SDK1: variants seen among roughly 807,000 people sequenced by gnomAD.
SDK1 encodes the protein protein sidekick-1.
SDK1 carries 157 observed loss-of-function variants against 245.5 expected under a neutral mutation model. The ratio of observed to expected loss-of-function variants is 0.64; its 90% CI spans 0.56 to 0.73. The LOEUF is 0.73. SDK1 is among the 30% of genes least tolerant of loss of function. The pLI, the probability that SDK1 is intolerant of heterozygous loss-of-function variation, is 0.00. For missense variants in SDK1, 3,583 were observed against 3,002.3 expected (o/e 1.19, Z -4.52); for synonymous variants, 1,647 against 1,278.5 (o/e 1.29, Z -6.15).
intron 1 of SDK1, among the ~76,000 whole-genome samples, chr7:3,609,977 A>C (rs1483493425): frequency 6.6e-6 from 1 of 152,208 alleles, no homozygotes; most frequent in Non-Finnish European, 1.5e-5. Context: ...CTGGGATCAT[A>C]GGCAGGAGCC....
Position 4,158,391 on chromosome 7 carries a change from C to A in SDK1, c.4626-57C>A, listed in dbSNP as rs1336921463. ...CTTCCCAGGGCTTCACCAGGAATGC[C>A]TGAGGGCAGGACAGGGTGGCAGGGC... On this transcript the variant is annotated intron_variant, in intron 30 of 44. Transcript: ENST00000404826. 6.3e-5 allele frequency: 89 copies of A among 1,417,744 alleles called. No individual in the cohort carries two copies. The South Asian group carries it at 9.6e-4, about 15-fold the overall frequency. 87.8% of individuals were successfully genotyped at this position (1,417,744 alleles called of 1,614,324 possible).
intron 1 of SDK1, among the ~76,000 whole-genome samples, chr7:3,439,451 G>T (rs547739623): frequency 4.6e-5 from 7 of 152,060 alleles, no homozygotes; most frequent in Non-Finnish European, 1.0e-4. Context: ...AGATTGTTTC[G>T]GGTTTGGTCA....
chr7:3,990,101 G>A (rs912394276), intron 14 of SDK1, among the ~76,000 whole-genome samples: 3 of 152,242 alleles, frequency 2.0e-5, no homozygotes, highest in Non-Finnish European at 2.9e-5. Context: ...CTGTGTGGAC[G>A]TGGAGGAAGC....
intron 5 of SDK1, among the ~76,000 whole-genome samples, chr7:3,919,315 C>T (rs959975357): frequency 1.3e-5 from 2 of 152,146 alleles, no homozygotes; most frequent in Admixed American, 6.5e-5. Context: ...CCTTGCAGCC[C>T]GTGTGGGTGT....
At chr7:4,094,979 C>A (rs1782053719) in intron 22 of SDK1, among the ~76,000 whole-genome samples, 1 of 152,210 alleles carries the variant, frequency 6.6e-6, no homozygotes, top group African/African-American at 2.4e-5. Context: ...GGAGGTGAAG[C>A]TTTGTCGAAA....
rs112554184 is a variant in SDK1, at chr7:3,319,267, T to C, written c.298+17383T>C. On this transcript the variant is annotated intron_variant, in intron 1 of 44. Transcript: ENST00000404826. ...TAGCTGTGGGAAGCCCCCACCCTTT[T>C]CCACAGGAGAGGGATGGCTCTCATT... Among the ~76,000 whole-genome samples the C allele has an allele frequency of 8.8e-3, 1,336 of 152,250 alleles. 23 individuals carry two copies. The highest frequency in any genetic ancestry group is 0.03 in the African/African-American group (1,260 of 41,534).
At chr7:3,323,613 C>T (rs1779871903) in intron 1 of SDK1, among the ~76,000 whole-genome samples, 1 of 152,184 alleles carries the variant, frequency 6.6e-6, no homozygotes, top group Non-Finnish European at 1.5e-5. Flanking sequence ...GTGCCCCACT[C>T]CATCTTCAAA....
intron 1 of SDK1, among the ~76,000 whole-genome samples, chr7:3,405,561 T>C (rs1383295012): frequency 6.6e-6 from 1 of 152,354 alleles, no homozygotes; most frequent in African/African-American, 2.4e-5. Flanking sequence ...TTTATCTGTT[T>C]GTTGCCTTTG....
chr7:3,428,079 CTG>C (rs1779726753), intron 1 of SDK1, among the ~76,000 whole-genome samples: 2 of 152,168 alleles, frequency 1.3e-5, no homozygotes, highest in Non-Finnish European at 2.9e-5. Context: ...GGGTTAATCA[CTG>C]TGAGACATGG....
chr7:3,518,050 C>T (rs923185416), intron 1 of SDK1, among the ~76,000 whole-genome samples: 1 of 151,968 alleles, frequency 6.6e-6, no homozygotes, highest in African/African-American at 2.4e-5. Context: ...CTTATTTTGT[C>T]AAAGCATTTA....
intron 4 of SDK1, among the ~76,000 whole-genome samples, chr7:3,736,712 A>G (rs1779326878): frequency 6.6e-6 from 1 of 152,194 alleles, no homozygotes; most frequent in Non-Finnish European, 1.5e-5. Flanking sequence ...GCTTTGATAT[A>G]CATATGTATT....
At chr7:4,019,824 G>A (rs573161083) in intron 17 of SDK1, among the ~76,000 whole-genome samples, 7 of 152,076 alleles carry the variant, frequency 4.6e-5, no homozygotes, top group Non-Finnish European at 5.9e-5. Context: ...CTTCTGCCTC[G>A]GCACTCCTGG....
intron 35 of SDK1, among the ~76,000 whole-genome samples, chr7:4,196,382 C>T (rs1364834274): frequency 6.6e-6 from 1 of 152,244 alleles, no homozygotes; most frequent in Non-Finnish European, 1.5e-5. Flanking sequence ...CTCTCATGTA[C>T]AGCTTTGACT....
chr7:3,577,921 G>A (rs1780346328), intron 1 of SDK1, among the ~76,000 whole-genome samples: 1 of 152,126 alleles, frequency 6.6e-6, no homozygotes, highest in East Asian at 1.9e-4. Context: ...TGGTTTAAAG[G>A]AACCTGGAGC....
intron 1 of SDK1, among the ~76,000 whole-genome samples, chr7:3,519,386 A>G (rs1782857110): frequency 1.3e-5 from 2 of 152,170 alleles, no homozygotes; most frequent in Admixed American, 1.3e-4. Flanking sequence ...TGTGTACCCC[A>G]TACATATATA....
chr7:3,517,737 T>C (rs1025242072), intron 1 of SDK1, among the ~76,000 whole-genome samples: 2 of 152,180 alleles, frequency 1.3e-5, no homozygotes, highest in African/African-American at 4.8e-5. Flanking sequence ...CCTTGAATTG[T>C]ATTGCCACTA....
At chr7:3,919,677 C>G (rs1228416337) in intron 5 of SDK1, among the ~76,000 whole-genome samples, 1 of 152,210 alleles carries the variant, frequency 6.6e-6, no homozygotes, top group Non-Finnish European at 1.5e-5. Flanking sequence ...TATTAACTGA[C>G]TCCATGTTGC....
intron 4 of SDK1, among the ~76,000 whole-genome samples, chr7:3,726,150 G>C (rs1007199018): frequency 6.6e-6 from 1 of 152,210 alleles, no homozygotes; most frequent in Non-Finnish European, 1.5e-5. Context: ...AGGGATATGA[G>C]AATCCATCAT....
chr7:3,766,712 A>T (rs549755990), intron 4 of SDK1, among the ~76,000 whole-genome samples: 1 of 152,336 alleles, frequency 6.6e-6, no homozygotes, highest in Non-Finnish European at 1.5e-5. Context: ...TATTAATACT[A>T]GCTGTTACAA....
Sources: allele counts gnomAD v4.1 joint callset (sites outside exome capture counted in the v4.1 genomes callset), GRCh38; gene constraint gnomAD v4.1.1; transcripts MANE v1.5; gene names NCBI Gene and HGNC (gene_info 2026-07-23, HGNC 2026-07-21).